The following CBR4 variants were observed in gnomAD, a reference collection of about 807,000 sequenced individuals.
CBR4 encodes the protein carbonyl reductase 4, also known as 3-oxoacyl-[acyl-carrier-protein] reductase.
Under a neutral mutation model 21.0 loss-of-function variants are expected in CBR4, and 22 were observed. The ratio of observed to expected loss-of-function variants is 1.05; its 90% CI spans 0.75 to 1.50. The LOEUF is 1.50. Among genes scored for constraint, CBR4 ranks in the 40% most tolerant of loss-of-function variants. CBR4 has a pLI of 0.00. For synonymous variants in CBR4, 100 were observed against 104.4 expected (o/e 0.96, Z 0.26); for missense variants, 302 against 286.3 (o/e 1.05, Z -0.40).
chr4:168,914,268 A>G (rs1759651256), intron 2 of CBR4, among the ~76,000 whole-genome samples: 1 of 152,242 alleles, frequency 6.6e-6, no homozygotes, highest in Non-Finnish European at 1.5e-5. Flanking sequence ...TAAATAAGAC[A>G]TATTTTATAG....
chr4:168,897,181 A>G (rs1465260618), intron 2 of CBR4, among the ~76,000 whole-genome samples: 1 of 152,138 alleles, frequency 6.6e-6, no homozygotes, highest in Non-Finnish European at 1.5e-5. Flanking sequence ...CATTAAATCA[A>G]GAAAAATTTT....
intron 2 of CBR4, chr4:168,914,130 T>C (rs1759624135): frequency 3.9e-6 from 3 of 766,090 alleles, no homozygotes; most frequent in African/African-American, 3.5e-5. Context: ...AACTGGAAGA[T>C]AGAATAGGAA....
At position 168,989,259 on chromosome 4, in the gene CBR4, T is replaced by C; in HGVS notation, c.*891A>G. 1 of 983,664 alleles carries C rather than the reference T, an allele frequency of 1.0e-6. No individual in the cohort carries two copies. The highest frequency in any genetic ancestry group is 1.2e-6 in the Non-Finnish European group (1 of 828,296). The allele number at this position is 983,664 out of a possible 1,614,324, so 60.9% of individuals were successfully genotyped here. A position where few individuals can be genotyped will look rare whatever the true frequency, so the allele number is the denominator to read the frequency against. On this transcript the variant is annotated 3_prime_UTR_variant, in exon 5 of 5. Transcript: ENST00000306193. ...GTTTTTAAATATTAATAGTTCACTA[T>C]TCTAAGTTTTTCATGAATAAAAAAC...
At chr4:168,896,656 G>GTT in intron 2 of CBR4, 1 of 931,762 alleles carries the variant, frequency 1.1e-6, no homozygotes, top group Non-Finnish European at 1.7e-6. Flanking sequence ...GTTTTCTTCT[G>GTT]TTCTTCCTGT....
chr4:168,920,076 C>T (rs140648695), intron 2 of CBR4, among the ~76,000 whole-genome samples: 5 of 152,238 alleles, frequency 3.3e-5, no homozygotes, highest in East Asian at 1.9e-4. Context: ...CAAGCAGTGC[C>T]GCTTTGTTTC....
chr4:168,935,617 C>T (rs1763089776), intron 2 of CBR4, among the ~76,000 whole-genome samples: 1 of 152,094 alleles, frequency 6.6e-6, no homozygotes, highest in South Asian at 2.1e-4. Context: ...AGGCAGTTAT[C>T]CCCTCACGGT....
intron 2 of CBR4, among the ~76,000 whole-genome samples, chr4:168,964,623 G>C (rs944145315): frequency 2.0e-5 from 3 of 152,116 alleles, no homozygotes; most frequent in Admixed American, 1.3e-4. Context: ...CCAAACTGAA[G>C]TATAAACATT....
intron 2 of CBR4, among the ~76,000 whole-genome samples, chr4:168,939,348 A>C (rs1763198463): frequency 6.6e-6 from 1 of 152,334 alleles, no homozygotes; most frequent in African/African-American, 2.4e-5. Flanking sequence ...ATCATACTGA[A>C]CGGGAAAAAG....
chr4:169,009,483 C>T (rs1160950142), intron 1 of CBR4, among the ~76,000 whole-genome samples: 1 of 152,220 alleles, frequency 6.6e-6, no homozygotes, highest in Non-Finnish European at 1.5e-5. Context: ...GGCCCTTGGG[C>T]AAAACTGAAG....
chr4:168,912,680 A>G (rs1759233508), intron 2 of CBR4, among the ~76,000 whole-genome samples: 1 of 152,320 alleles, frequency 6.6e-6, no homozygotes, highest in Non-Finnish European at 1.5e-5. Flanking sequence ...TAATGTTCAA[A>G]TCATGGTAAT....
chr4:169,009,173 A>T (rs1052460854), intron 1 of CBR4: 38 of 402,868 alleles, frequency 9.4e-5, no homozygotes, highest in Middle Eastern at 8.2e-4. Flanking sequence ...AATTTTGTCC[A>T]TTCTGGTGAT....
Position 169,010,032 on chromosome 4 carries a change from G to A in CBR4, c.58C>T (p.Gln20Ter), listed in dbSNP as rs557606243. 2 of 1,613,924 alleles carry A rather than the reference G, an allele frequency of 1.2e-6. No individual in the cohort carries two copies. The highest frequency in any genetic ancestry group is 2.2e-5 in the South Asian group (2 of 91,042). The change falls in exon 1 of 5, where the codon CAG (glutamine) becomes TAG (stop). Residue 20 changes from glutamine to a stop codon, truncating the protein, a stop_gained. Transcript: ENST00000306193. LOFTEE classifies it high-confidence loss of function. ...CGGTAGCCTTTCCGGGCCATTAACT[G>A]GGCCACAGCTCTGCCAATGCCTCGG... Reference protein sequence around the residue: ...GSRGIGRAVAQLMARKGYRLA... With the variant: ...GSRGIGRAVA
At chr4:168,934,965 A>C (rs1362219932) in intron 2 of CBR4, among the ~76,000 whole-genome samples, 3 of 152,222 alleles carry the variant, frequency 2.0e-5, no homozygotes, top group African/African-American at 7.2e-5. Context: ...CTAACATCAC[A>C]TCAGAAAGAT....
chr4:168,921,712 A>G lies in CBR4; in HGVS notation n.170-26947T>C. 1.9e-6 allele frequency: 3 copies of G among 1,611,542 alleles called. No individual in the cohort carries two copies. The highest frequency in any genetic ancestry group is 2.5e-6 in the Non-Finnish European group (3 of 1,179,766). ...ATAGCTACCAACCGAGCAGGACAGA[A>G]CTCATTCAGCCTGGAGCTTGTGGTT... is the stretch of plus-strand genomic sequence containing the variant. On this transcript the variant is annotated intron_variant and non_coding_transcript_variant, in intron 2 of 3. Coordinates refer to the CBR4 transcript ENST00000509108.
intron 4 of CBR4, 85 bp from the exon 5 acceptor site, chr4:168,990,413 G>GA: frequency 8.0e-7 from 1 of 1,253,530 alleles, no homozygotes; most frequent in South Asian, 2.3e-5. Context: ...ATTTGTTTCT[G>GA]AAAATTTTAA....
At chr4:168,966,727 G>C (rs559304851) in intron 2 of CBR4, among the ~76,000 whole-genome samples, 1 of 151,822 alleles carries the variant, frequency 6.6e-6, no homozygotes, top group South Asian at 2.1e-4. Flanking sequence ...TATAAATCAT[G>C]CTACTACAGG....
intron 2 of CBR4, among the ~76,000 whole-genome samples, chr4:168,944,622 AT>A (rs1763353913): frequency 6.6e-6 from 1 of 152,346 alleles, no homozygotes; most frequent in South Asian, 2.1e-4. Flanking sequence ...TTAATAATGA[AT>A]TTAGACAATA....
In CBR4 at chr4:168,936,803, C is replaced by T. The variant is rs113622811; in HGVS notation, n.170-42038G>A. ...AACTAATGTGAAAAGTCCAAACCTA[C>T]GTTTGACTAGTGCACCTGAAAGTGA... On this transcript the variant is annotated intron_variant and non_coding_transcript_variant, in intron 2 of 3. Transcript: ENST00000509108. 1.1e-3 allele frequency among the ~76,000 whole-genome samples: 171 copies of T among 152,270 alleles called. 1 individual carries two copies. The highest frequency in any genetic ancestry group is 3.9e-3 in the African/African-American group (164 of 41,554).
At chr4:168,980,467 G>A (rs1039256169) in intron 2 of CBR4, among the ~76,000 whole-genome samples, 1 of 152,204 alleles carries the variant, frequency 6.6e-6, no homozygotes, top group Admixed American at 6.5e-5. Flanking sequence ...CAGGTGTGGT[G>A]GCTCACGCCT....
Sources: allele counts gnomAD v4.1 joint callset (sites outside exome capture counted in the v4.1 genomes callset), GRCh38; gene constraint gnomAD v4.1.1; transcripts MANE v1.5; gene names NCBI Gene and HGNC (gene_info 2026-07-23, HGNC 2026-07-21).